The following TTN variants were observed in gnomAD, a reference collection of about 807,000 sequenced individuals.
TTN encodes connectin.
TTN carries 1,525 observed loss-of-function variants against 3,223.0 expected under a neutral mutation model. The observed-to-expected ratio is 0.47, with a 90% confidence interval of 0.45 to 0.49. TTN has a LOEUF of 0.49. Ranked by LOEUF, TTN falls within the 20% of genes least tolerant of loss-of-function variation. The pLI is 0.00. For synonymous variants in TTN, 14,094 were observed against 15,161.0 expected (o/e 0.93, Z 5.17); for missense variants, 40,786 against 43,424.0 (o/e 0.94, Z 5.40).
At chr2:178,586,073 T>C (rs1332266956) in intron 308 of TTN, among the ~76,000 whole-genome samples, 1 of 152,116 alleles carries the variant, frequency 6.6e-6, no homozygotes, top group Non-Finnish European at 1.5e-5. Context: ...GTAAAAGCTT[T>C]CCTATTTCTC....
At position 178,719,390 on chromosome 2, in the gene TTN, G is replaced by A. The variant is rs764876147; in HGVS notation, c.24000C>T (p.Ala8000=). ...AGACTCGGCACTCCAAAACAACTGAGGCCCCCAGGATGGCATTCACGTCTT... is the reference window on the plus strand; with the variant it reads ...AGACTCGGCACTCCAAAACAACTGAAGCCCCCAGGATGGCATTCACGTCTT... The part of the protein sequence containing the change: ...KLKDVNAILG[A]SVVLECRVSG... Residue 8000 remains alanine, a synonymous_variant, in exon 83 of 363, where the codon GCC becomes GCT. Coordinates refer to ENST00000589042, the MANE Select transcript of TTN (RefSeq NM_001267550.2). 1.2e-6 allele frequency: 2 copies of A among 1,613,532 alleles called. No homozygotes were observed. Among genetic ancestry groups the A allele is most frequent in the Middle Eastern group, 1.6e-4 (1 of 6,076 alleles).
chr2:178,770,900 T>G, intron 34 of TTN: 1 of 810,808 alleles, frequency 1.2e-6, no homozygotes, highest in Non-Finnish European at 2.2e-6. Flanking sequence ...TTTAGTAGTA[T>G]GAAGTTTGCA....
At position 178,663,767 on chromosome 2, in the gene TTN, A is replaced by G. The variant is rs898639839; in HGVS notation, c.36448+52T>C. 3.7e-6 allele frequency: 6 copies of G among 1,612,158 alleles called. No homozygotes were observed. In the South Asian group the frequency reaches 4.4e-5, roughly 12 times the overall value. ...AGTTATGAAGACCACTGGAAAAAAT[A>G]TCTTCAAGAGCAAAAGAATGAGATC... On this transcript the variant is annotated intron_variant, in intron 170 of 362. Transcript: ENST00000589042.
At chr2:178,669,928 T>TC (rs1229120106) in intron 157 of TTN, among the ~76,000 whole-genome samples, 3 of 151,992 alleles carry the variant, frequency 2.0e-5, no homozygotes, top group African/African-American at 4.8e-5. Flanking sequence ...CTTTTTTTTT[T>TC]CCAGAGCTAC....
intron 49 of TTN, 143 bp downstream of exon 49, chr2:178,737,939 G>T: frequency 1.0e-6 from 1 of 957,440 alleles, no homozygotes; most frequent in Non-Finnish European, 1.5e-6. Flanking sequence ...TATAGGCTCT[G>T]CAGTACCTAC....
chr2:178,576,073 T>C lies in TTN; in HGVS notation c.70059A>G (p.Thr23353=), dbSNP rs1174326827. Reference sequence around the variant, plus strand: ...TACTGAGTCCTGCTCTAACAACAAGTGTTCTTCGAAGCTCGGCATCTAGTT... The same window carrying C: ...TACTGAGTCCTGCTCTAACAACAAGCGTTCTTCGAAGCTCGGCATCTAGTT... The part of the protein sequence containing the change: ...DFELDAELRR[T]LVVRAGLSIR... The change falls in exon 326 of 363, where the codon ACA becomes ACG. Residue 23353 remains threonine (T), a synonymous_variant. Transcript: ENST00000589042. This position sits in a 1 kb window ranked among gnomAD's most constrained non-coding sequence, Gnocchi z 4.3. 1 of 1,613,542 alleles carries C rather than the reference T, an allele frequency of 6.2e-7. No homozygotes were observed. Among genetic ancestry groups the C allele is most frequent in the African/African-American group, 1.3e-5 (1 of 75,004 alleles).
chr2:178,584,856 A>G lies in TTN; in HGVS notation c.64785T>C (p.Tyr21595=), dbSNP rs751009684. Residue 21595 remains tyrosine, a synonymous_variant, in exon 310 of 363, where the codon TAT becomes TAC. Coordinates refer to ENST00000589042, the MANE Select transcript of TTN (RefSeq NM_001267550.2). ...LEDGGSNITN[Y]IVEKCDVSRG... Reference sequence around the variant, plus strand: ...GGCTTACATCACACTTCTCCACTATATAATTGGTGATGTTACTGCCTCCGT... The same window carrying G: ...GGCTTACATCACACTTCTCCACTATGTAATTGGTGATGTTACTGCCTCCGT... The G allele has an allele frequency of 1.1e-5, 18 of 1,613,216 alleles. No individual in the cohort carries two copies. Among genetic ancestry groups the G allele is most frequent in the Admixed American group, 3.3e-5 (2 of 59,956 alleles).
Position 178,590,932 on chromosome 2 carries a change from C to G in TTN, c.60793G>C (p.Ala20265Pro), listed in dbSNP as rs1228007817. 1.9e-6 allele frequency: 3 copies of G among 1,613,060 alleles called. No homozygotes were observed. Among genetic ancestry groups the G allele is most frequent in the African/African-American group, 2.7e-5 (2 of 74,876 alleles). ...GPPLDSTPTV[A>P]KHKFSPPSPP... Reference sequence around the variant, plus strand: ...GACGGAGGACTAAATTTATGCTTAGCAACAGTAGGTGTGGAGTCAAGGGGA... The same window carrying G: ...GACGGAGGACTAAATTTATGCTTAGGAACAGTAGGTGTGGAGTCAAGGGGA... The change falls in exon 304 of 363, where the codon GCT (alanine) becomes CCT (proline). Residue 20265 changes from alanine (A) to proline (P), a missense_variant. Coordinates refer to ENST00000589042, the MANE Select transcript of TTN (RefSeq NM_001267550.2).
chr2:178,575,393 G>A lies in TTN; in HGVS notation c.70739C>T (p.Thr23580Ile), dbSNP rs779765346. The stretch of plus-strand genomic sequence containing the variant: ...TAACCCTTTCACGGTTGTGATGTGG[G>A]TCCACTGGTCAGAGCCTTTTCTTTG... ...EAQRKGSDQW[T>I]HITTVKGLEC... Residue 23580 changes from threonine (T) to isoleucine (I), a missense_variant, in exon 326 of 363, where the codon ACC becomes ATC. By Grantham distance (89) the Thr-to-Ile change is moderately conservative (BLOSUM62 -1). Transcript: ENST00000589042. This position sits in a 1 kb window ranked among gnomAD's most constrained non-coding sequence, Gnocchi z 4.0. 6.2e-7 allele frequency: 1 copy of A among 1,613,454 alleles called. No homozygotes were observed. The highest frequency in any genetic ancestry group is 8.5e-7 in the Non-Finnish European group (1 of 1,179,666).
Position 178,664,466 on chromosome 2 carries a change from C to G in TTN, c.36274G>C (p.Val12092Leu). The change falls in exon 168 of 363, where the codon GTC becomes CTC. Residue 12092 changes from valine to leucine, a missense_variant. Transcript: ENST00000589042. ...AAGACAGTTAAGAATGTACCTTTGA[C>G]AGGTACAACTTCAGCCCTTTGGGGA... Reference protein sequence around the residue: ...HPPQRAEVVPVKVHEAPKEII... With the variant: ...HPPQRAEVVPLKVHEAPKEII... 1 of 1,608,656 alleles carries G rather than the reference C, an allele frequency of 6.2e-7. No homozygotes were observed. Among genetic ancestry groups the G allele is most frequent in the Non-Finnish European group, 8.5e-7 (1 of 1,176,452 alleles).
chr2:178,768,373 C>T (rs573464467), intron 38 of TTN, among the ~76,000 whole-genome samples: 1 of 152,186 alleles, frequency 6.6e-6, no homozygotes, highest in South Asian at 2.1e-4. Context: ...ATTGTCTCCC[C>T]TGTAGACCTA....
At chr2:178,541,256 A>G in intron 350 of TTN, 26 bp downstream of exon 350, 1 of 1,455,340 alleles carries the variant, frequency 6.9e-7, no homozygotes, top group Non-Finnish European at 9.1e-7. Flanking sequence ...AACTCAATCA[A>G]TTTGACTGAT....
chr2:178,541,377 C>T lies in TTN; in HGVS notation c.97700G>A (p.Gly32567Asp), dbSNP rs772113226. The T allele has an allele frequency of 3.1e-6, 5 of 1,608,542 alleles. No homozygotes were observed. In the Admixed American group the frequency reaches 8.4e-5, roughly 27 times the overall value. ...TRYRSTGLTE[G>D]LEYEHRVTAI... The stretch of plus-strand genomic sequence containing the variant: ...TGTGACACGGTGTTCATATTCTAAG[C>T]CTTCAGTAAGGCCAGTGGAGCGGTA... Residue 32567 changes from glycine (G) to aspartate (D), a missense_variant, in exon 350 of 363, where the codon GGC (glycine) becomes GAC (aspartate). Coordinates refer to ENST00000589042, the MANE Select transcript of TTN (RefSeq NM_001267550.2).
chr2:178,708,474 G>A (rs1041040211), intron 99 of TTN, among the ~76,000 whole-genome samples: 2 of 152,084 alleles, frequency 1.3e-5, no homozygotes, highest in Non-Finnish European at 2.9e-5. Flanking sequence ...TTGTTCAATG[G>A]TTCTGAGACC....
chr2:178,745,699 C>A, intron 47 of TTN: 1 of 1,611,642 alleles, frequency 6.2e-7, no homozygotes. Flanking sequence ...GGTTATGGAA[C>A]CCTGTGCCAC....
rs72648931 is a variant in TTN, at chr2:178,733,805, T to C, written c.15584A>G (p.Glu5195Gly). The change falls in exon 53 of 363, where the codon GAG becomes GGG. Residue 5195 changes from glutamate to glycine, a missense_variant. Glu to Gly is a moderately conservative substitution (Grantham distance 98, BLOSUM62 -2). Coordinates refer to ENST00000589042, the MANE Select transcript of TTN (RefSeq NM_001267550.2). ...TTTCATCCATGTGACAGAAATGGGC[T>C]CTGACCCTCTCACAGCAGCTTGCAG... is the stretch of plus-strand genomic sequence containing the variant. Reference protein sequence around the residue: ...VTLQAAVRGSEPISVTWMKGQ... With the variant: ...VTLQAAVRGSGPISVTWMKGQ... The C allele has an allele frequency of 4.9e-4, 784 of 1,613,828 alleles. 2 individuals carry two copies. In the African/African-American group the frequency reaches 9.5e-3, roughly 20 times the overall value.
At position 178,803,706 on chromosome 2, in the gene TTN, A is replaced by AT. The variant is rs551451695; in HGVS notation, c.91+845dup. On this transcript the variant is annotated intron_variant, in intron 2 of 362. Coordinates refer to ENST00000589042, the MANE Select transcript of TTN (RefSeq NM_001267550.2). The stretch of plus-strand genomic sequence containing the variant: ...TGCACTAAATTAAGAATTAAGCATG[A>AT]TTTTTTTTAATCCGTATCCATCTTA... Among the ~76,000 whole-genome samples the AT allele has an allele frequency of 2.5e-3, 387 of 151,982 alleles. 3 individuals are homozygous for AT. Among genetic ancestry groups the AT allele is most frequent in the African/African-American group, 8.7e-3 (360 of 41,486 alleles).
intron 47 of TTN, chr2:178,745,176 A>C: frequency 1.0e-6 from 1 of 999,534 alleles, no homozygotes; most frequent in Non-Finnish European, 1.2e-6. Flanking sequence ...ATTTGCCCTT[A>C]CCAATTTGTC....
Position 178,773,540 on chromosome 2 carries a change from G to C in TTN, c.7516C>G (p.Arg2506Gly), listed in dbSNP as rs780415493. The C allele has an allele frequency of 1.1e-5, 18 of 1,613,864 alleles. No individual in the cohort carries two copies. The highest frequency in any genetic ancestry group is 1.5e-5 in the Non-Finnish European group (18 of 1,179,972). Reference sequence around the variant, plus strand: ...GGTCCTTCGTCTGAAGCATGAGTTCGGTTAATGACTAGTCGCTGTTTAGTA... The same window carrying C: ...GGTCCTTCGTCTGAAGCATGAGTTCCGTTAATGACTAGTCGCTGTTTAGTA... ...KGTKQRLVIN[R>G]THASDEGPYK... Residue 2506 changes from arginine to glycine, a missense_variant, in exon 32 of 363, where the codon CGA (arginine) becomes GGA (glycine). Physicochemically the swap from Arg to Gly is moderately radical, Grantham distance 125. Transcript: ENST00000589042.
Sources: gnomAD v4.1 joint callset for allele counts (sites outside exome capture counted in the v4.1 genomes callset) on GRCh38, gnomAD v4.1.1 for gene constraint, Gnocchi (gnomAD v3.1) non-coding constraint, MANE v1.5 for transcripts, NCBI Gene and HGNC (gene_info 2026-07-23, HGNC 2026-07-21) for gene names.